Variants in TRAIP observed in about 807,000 individuals in gnomAD.
The protein encoded by TRAIP is TRAF interacting protein.
A neutral mutation model predicts 65.0 loss-of-function variants in TRAIP; 37 were observed. The ratio of observed to expected loss-of-function variants is 0.57; its 90% CI spans 0.44 to 0.75. TRAIP has a LOEUF of 0.75. TRAIP is among the 30% of genes least tolerant of loss of function. The pLI is 0.00. For missense variants in TRAIP, 481 were observed against 579.4 expected (o/e 0.83, Z 1.74); for synonymous variants, 187 against 219.1 (o/e 0.85, Z 1.29).
chr3:49,850,059 G>A (rs2081917910), intron 1 of TRAIP, among the ~76,000 whole-genome samples: 2 of 151,626 alleles, frequency 1.3e-5, no homozygotes, highest in African/African-American at 4.8e-5. Context: ...ATAATCAAGA[G>A]TAACCAGGCG....
At chr3:49,841,143 C>T in intron 7 of TRAIP, 71 bp from the exon 8 acceptor site, 1 of 1,339,084 alleles carries the variant, frequency 7.5e-7, no homozygotes, top group Non-Finnish European at 1.1e-6. Context: ...CAGCACTAAT[C>T]TAACACAAAG....
chr3:49,850,649 C>CTTT (rs1186308267), intron 1 of TRAIP, among the ~76,000 whole-genome samples: 9 of 103,714 alleles, frequency 8.7e-5, no homozygotes, highest in Admixed American at 1.8e-4. Flanking sequence ...TAATAGTCTG[C>CTTT]ATTTTTTTTT....
chr3:49,850,827 A>G (rs1441124432), intron 1 of TRAIP, among the ~76,000 whole-genome samples: 1 of 150,120 alleles, frequency 6.7e-6, no homozygotes, highest in East Asian at 2.0e-4. Flanking sequence ...GCTCATTTTT[A>G]TATTTTTTTA....
At chr3:49,834,064 T>A (rs561027398) in intron 10 of TRAIP, among the ~76,000 whole-genome samples, 3 of 152,260 alleles carry the variant, frequency 2.0e-5, no homozygotes, top group Admixed American at 6.5e-5. Flanking sequence ...AGAACAGAGC[T>A]AAGGCCTTGA....
chr3:49,834,767 T>C (rs1424555496), intron 10 of TRAIP, among the ~76,000 whole-genome samples: 2 of 152,166 alleles, frequency 1.3e-5, no homozygotes, highest in African/African-American at 4.8e-5. Context: ...CCACCAGGTA[T>C]GGGAGGGGAG....
chr3:49,848,146 G>A lies in TRAIP; in HGVS notation c.153C>T (p.Ile51=). The change falls in exon 2 of 15, where the codon ATC becomes ATT. Residue 51 remains isoleucine, a synonymous_variant. Coordinates refer to ENST00000331456, the MANE Select transcript of TRAIP (RefSeq NM_005879.3). ...APSRTCPQCR[I]QVGKRTIINK... is the part of the protein sequence containing the mutation. ...GGTCCCACCCCAATACTCTCACCTG[G>A]ATTCGGCACTGTGGGCAGGTCCGAC... The A allele has an allele frequency of 1.2e-6, 2 of 1,614,202 alleles. No individual in the cohort carries two copies. Among genetic ancestry groups the A allele is most frequent in the Non-Finnish European group, 8.5e-7 (1 of 1,180,038 alleles).
In TRAIP at chr3:49,829,735, C is replaced by T. The variant is rs546284053; in HGVS notation, c.1118G>A (p.Cys373Tyr). The change falls in exon 13 of 15, where the codon TGT becomes TAT. Residue 373 changes from cysteine (C) to tyrosine (Y), a missense_variant. Coordinates refer to ENST00000331456, the MANE Select transcript of TRAIP (RefSeq NM_005879.3). ...CAGTTCCTCATCTGGCTCTCCTGCA[C>T]AGCTCTGGCCACCCAGTGAGAGCTG... The part of the protein sequence containing the change: ...ESQLSLGGQS[C>Y]AGEPDEELVG... 2 of 1,614,172 alleles carry T rather than the reference C, an allele frequency of 1.2e-6. No individual in the cohort carries two copies. Among genetic ancestry groups the T allele is most frequent in the Non-Finnish European group, 1.7e-6 (2 of 1,180,024 alleles).
At position 49,832,037 on chromosome 3, in the gene TRAIP, G is replaced by A. The variant is rs567150349; in HGVS notation, c.916C>T (p.Arg306Cys). 12 of 1,600,312 alleles carry A rather than the reference G, an allele frequency of 7.5e-6. No individual in the cohort carries two copies. The East Asian group carries it at 9.2e-5, about 12-fold the overall frequency. The change falls in exon 11 of 15, where the codon CGC becomes TGC. Residue 306 changes from arginine (R) to cysteine (C), a missense_variant. Arg to Cys is a radical substitution (Grantham distance 180). Coordinates refer to ENST00000331456, the MANE Select transcript of TRAIP (RefSeq NM_005879.3). ...ATATCATCACGGAAGGATGGCCGGC[G>A]GAGCTTCAGATTCACCTCCACAGGG... ...PAPVEVNLKL[R>C]RPSFRDDIDL...
At chr3:49,838,162 C>T (rs2081804705) in intron 10 of TRAIP, among the ~76,000 whole-genome samples, 1 of 152,174 alleles carries the variant, frequency 6.6e-6, no homozygotes, top group Non-Finnish European at 1.5e-5. Context: ...GTCAATGCAC[C>T]CAGCCAACCA....
chr3:49,843,708 G>C, intron 5 of TRAIP, 93 bp downstream of exon 5: 1 of 1,534,320 alleles, frequency 6.5e-7, no homozygotes, highest in African/African-American at 1.4e-5. Flanking sequence ...GTGATGACTG[G>C]AGCAGAACCA....
rs763295325 is a variant in TRAIP at position 49,831,935 on chromosome 3, G to A, written c.1018C>T (p.Leu340Phe). 68 of 1,591,156 alleles carry A rather than the reference G, an allele frequency of 4.3e-5. No individual in the cohort carries two copies. The South Asian group carries it at 7.4e-4, about 17-fold the overall frequency. The change falls in exon 11 of 15, where the codon CTT becomes TTT. Residue 340 changes from leucine to phenylalanine, a missense_variant. Physicochemically the swap from Leu to Phe is conservative, Grantham distance 22. Transcript: ENST00000331456. ...SSSQHGYYEK[L>F]CLEKSHSPIQ... ...ACTCACTGTGACTTCTCTAGGCAAA[G>A]TTTTTCGTAGTAACCATGCTGGGAG...
chr3:49,839,627 A>T, intron 10 of TRAIP, 145 bp downstream of exon 10: 1 of 752,054 alleles, frequency 1.3e-6, no homozygotes, highest in Non-Finnish European at 2.3e-6. Context: ...TTGCCAGCTA[A>T]ATCTTGGCTG....
At chr3:49,834,171 T>C (rs1055278837) in intron 10 of TRAIP, among the ~76,000 whole-genome samples, 7 of 152,188 alleles carry the variant, frequency 4.6e-5, no homozygotes, top group African/African-American at 1.7e-4. Context: ...AAGGTCTCCC[T>C]GGCTGTCTCT....
Position 49,839,737 on chromosome 3 carries a change from C to T in TRAIP, c.884+35G>A, listed in dbSNP as rs764037826. On this transcript the variant is annotated intron_variant, in intron 10 of 14. Coordinates refer to ENST00000331456, the MANE Select transcript of TRAIP (RefSeq NM_005879.3). ...GACTGTTACCAGAAAGCTCTCCCAC[C>T]TTGTGACCCCTGTACCGCCCAAGGC... is the stretch of plus-strand genomic sequence containing the variant. 80 of 1,593,228 alleles carry T rather than the reference C, an allele frequency of 5.0e-5. 2 individuals are homozygous for T. The South Asian group carries it at 8.8e-4, about 18-fold the overall frequency.
intron 1 of TRAIP, among the ~76,000 whole-genome samples, chr3:49,854,787 T>C (rs1446009515): frequency 6.6e-6 from 1 of 152,134 alleles, no homozygotes; most frequent in African/African-American, 2.4e-5. Flanking sequence ...CTGGGTGCGG[T>C]GGTTCACACC....
At chr3:49,831,889 T>C (rs567442435) in intron 11 of TRAIP, 27 bp downstream of exon 11, 9 of 1,523,358 alleles carry the variant, frequency 5.9e-6, no homozygotes, top group East Asian at 4.9e-5. Context: ...TACCAGCCCA[T>C]GGACAGTGCC....
At chr3:49,833,242 C>T (rs577874278) in intron 10 of TRAIP, among the ~76,000 whole-genome samples, 4 of 152,270 alleles carry the variant, frequency 2.6e-5, no homozygotes, top group African/African-American at 4.8e-5. Flanking sequence ...GGCAGGATCT[C>T]GCTGGGTCCT....
intron 10 of TRAIP, among the ~76,000 whole-genome samples, chr3:49,837,582 ATTTTT>A (rs1180861976): frequency 6.6e-6 from 1 of 151,368 alleles, no homozygotes; most frequent in Non-Finnish European, 1.5e-5. Flanking sequence ...TGCCACCGTA[ATTTTT>A]TTTTGTTTTT....
Position 49,847,534 on chromosome 3 carries a change from T to C in TRAIP, c.231A>G (p.Glu77=). 1 of 1,609,542 alleles carries C rather than the reference T, an allele frequency of 6.2e-7. No homozygotes were observed. The highest frequency in any genetic ancestry group is 1.3e-5 in the African/African-American group (1 of 74,868). ...AQEEENVLDA[E]FLKNELDNVR... ...GATAAATTCTGGGTACCTTTAAGAA[T>C]TCTGCATCCAAGACATTCTCCTCCT... is the stretch of plus-strand genomic sequence containing the variant. The change falls in exon 3 of 15, where the codon GAA becomes GAG. Residue 77 remains glutamate (E), a synonymous_variant. Transcript: ENST00000331456.
Sources: allele counts gnomAD v4.1 joint callset (sites outside exome capture counted in the v4.1 genomes callset), GRCh38; gene constraint gnomAD v4.1.1; transcripts MANE v1.5; gene names NCBI Gene and HGNC (gene_info 2026-07-23, HGNC 2026-07-21).